The following NSMAF variants were observed in gnomAD, a reference collection of about 807,000 sequenced individuals.
The protein encoded by NSMAF is protein FAN.
A neutral mutation model predicts 134.9 loss-of-function variants in NSMAF; 90 were observed. The observed-to-expected ratio is 0.67, with a 90% confidence interval of 0.56 to 0.79. The LOEUF is 0.79. Ranked by LOEUF, NSMAF falls within the 30% of genes least tolerant of loss-of-function variation. The pLI is 0.00. For missense variants in NSMAF, 1,010 were observed against 1,119.0 expected (o/e 0.90, Z 1.39); for synonymous variants, 358 against 389.6 (o/e 0.92, Z 0.96).
rs898835304 is a variant in NSMAF, at chr8:58,584,020, T to C, written c.*86A>G. ...GTGGTAAAACTTCTAATTACTAACA[T>C]TGCACATTCACCAGTCCGTTTAAAA... On this transcript the variant is annotated 3_prime_UTR_variant, in exon 31 of 31. Transcript: ENST00000038176. 1 of 1,028,136 alleles carries C rather than the reference T, an allele frequency of 9.7e-7. No homozygotes were observed. Among genetic ancestry groups the C allele is most frequent in the Non-Finnish European group, 1.5e-6 (1 of 653,726 alleles). 63.7% of individuals were successfully genotyped at this position (1,028,136 alleles called of 1,614,324 possible).
intron 23 of NSMAF, among the ~76,000 whole-genome samples, chr8:58,592,041 GA>G (rs1447634258): frequency 6.6e-6 from 1 of 152,024 alleles, no homozygotes; most frequent in African/African-American, 2.4e-5. Context: ...ATTTGAAAAC[GA>G]AAACAGAAGA....
In NSMAF at chr8:58,623,703, G is replaced by A. The variant is rs1806846330; in HGVS notation, c.456+6C>T. The A allele has an allele frequency of 6.2e-7, 1 of 1,612,364 alleles. No homozygotes were observed. The highest frequency in any genetic ancestry group is 1.1e-5 in the South Asian group (1 of 90,922). Reference sequence around the variant, plus strand: ...GCTTTGAATTTTCTACCCAGCAAGTGCTTACCTGAAGCAACGTCTCCACAA... The same window carrying A: ...GCTTTGAATTTTCTACCCAGCAAGTACTTACCTGAAGCAACGTCTCCACAA... On this transcript the variant is annotated splice_donor_region_variant and intron_variant, in intron 7 of 30. Transcript: ENST00000038176.
At chr8:58,643,332 C>A (rs976619528) in intron 1 of NSMAF, among the ~76,000 whole-genome samples, 1 of 152,066 alleles carries the variant, frequency 6.6e-6, no homozygotes, top group Non-Finnish European at 1.5e-5. Flanking sequence ...TTACAGAAAC[C>A]CTGAATTTTG....
rs749938859 is a variant in NSMAF, at chr8:58,635,482, G to A, written c.214C>T (p.Gln72Ter). The A allele has an allele frequency of 1.9e-6, 3 of 1,603,144 alleles. No homozygotes were observed. The highest frequency in any genetic ancestry group is 2.6e-6 in the Non-Finnish European group (3 of 1,175,538). The change falls in exon 3 of 31, where the codon CAG (glutamine) becomes TAG (stop). Residue 72 changes from glutamine (Q) to a stop codon, truncating the protein, a stop_gained. Transcript: ENST00000038176. LOFTEE classifies it high-confidence loss of function. ...SVIFEPDSIS[Q>*]PIIKIPLRDC... ...AATGTATTTACCTTGATGATGGGCTGGGATATTGAATCTGGTTCAAAAATC... is the reference window on the plus strand; with the variant it reads ...AATGTATTTACCTTGATGATGGGCTAGGATATTGAATCTGGTTCAAAAATC...
At chr8:58,654,033 T>C (rs958128476) in intron 1 of NSMAF, among the ~76,000 whole-genome samples, 2 of 152,114 alleles carry the variant, frequency 1.3e-5, no homozygotes, top group Non-Finnish European at 2.9e-5. Flanking sequence ...GTTTTTCATG[T>C]GAGAAAAAAA....
At chr8:58,585,569 A>T in intron 30 of NSMAF, 83 bp downstream of exon 30, 1 of 1,025,266 alleles carries the variant, frequency 9.8e-7, no homozygotes. Context: ...TTGCCCAAAA[A>T]GAGTATGTTC....
At chr8:58,585,395 C>A (rs567746639) in intron 30 of NSMAF, among the ~76,000 whole-genome samples, 4 of 149,964 alleles carry the variant, frequency 2.7e-5, no homozygotes, top group Admixed American at 2.0e-4. Flanking sequence ...AATAGCTTTA[C>A]GATGGTTTTT....
In NSMAF at chr8:58,605,930, G is replaced by C. The variant is rs753806547; in HGVS notation, c.865C>G (p.Leu289Val). ...DDLYFYIATYLEHHVAEHTAE... is the reference protein window; with the variant it reads ...DDLYFYIATYVEHHVAEHTAE... ...CAATGAAGGGTGAGCGCCAAACCTA[G>C]GTATGTGGCAATGTAAAAATAGAGA... Residue 289 changes from leucine (L) to valine (V), a missense_variant, in exon 12 of 31, where the codon CTA becomes GTA. Leu to Val is a conservative substitution (Grantham distance 32). Coordinates refer to ENST00000038176, the MANE Select transcript of NSMAF (RefSeq NM_003580.4). The C allele has an allele frequency of 6.4e-7, 1 of 1,561,978 alleles. No individual in the cohort carries two copies. The highest frequency in any genetic ancestry group is 8.6e-7 in the Non-Finnish European group (1 of 1,161,974).
At chr8:58,600,325 T>G (rs1480861594) in intron 16 of NSMAF, 3 of 333,790 alleles carry the variant, frequency 9.0e-6, no homozygotes, top group Non-Finnish European at 1.6e-5. Flanking sequence ...GCCTCCACAC[T>G]GAAAGATTAG....
intron 1 of NSMAF, chr8:58,659,308 T>G: frequency 6.6e-7 from 1 of 1,526,288 alleles, no homozygotes; most frequent in Non-Finnish European, 8.8e-7. Flanking sequence ...TAGCTCGGCA[T>G]GCCTCGGCTC....
intron 20 of NSMAF, 135 bp downstream of exon 20, chr8:58,597,725 G>A: frequency 5.6e-6 from 5 of 898,622 alleles, no homozygotes; most frequent in Non-Finnish European, 8.8e-6. Flanking sequence ...CTGATGCTCA[G>A]TAACACAACA....
At chr8:58,646,175 C>T (rs1177077995) in intron 1 of NSMAF, among the ~76,000 whole-genome samples, 1 of 152,174 alleles carries the variant, frequency 6.6e-6, no homozygotes, top group African/African-American at 2.4e-5. Flanking sequence ...TATCTAAATC[C>T]ATGAACAAGA....
At position 58,586,285 on chromosome 8, in the gene NSMAF, C is replaced by T. The variant is rs562359186; in HGVS notation, c.2446+173G>A. The T allele has an allele frequency of 2.6e-5, 17 of 659,170 alleles. No homozygotes were observed. The East Asian group carries it at 4.1e-4, about 16-fold the overall frequency. The allele number at this position is 659,170 out of a possible 1,614,324, so 40.8% of individuals were successfully genotyped here. A position where few individuals can be genotyped will look rare whatever the true frequency, so the allele number is the denominator to read the frequency against. ...GCTTTTCTACCTGATACAAATGCCA[C>T]AAGTATACTGTACCCTGGCATAAAG... On this transcript the variant is annotated intron_variant, in intron 28 of 30. Transcript: ENST00000038176.
At chr8:58,606,417 T>A (rs1412168199) in intron 11 of NSMAF, among the ~76,000 whole-genome samples, 1 of 152,142 alleles carries the variant, frequency 6.6e-6, no homozygotes. Flanking sequence ...ATAAGTTAAA[T>A]AACATATATA....
At chr8:58,626,329 C>T (rs1476053649) in intron 6 of NSMAF, among the ~76,000 whole-genome samples, 1 of 152,004 alleles carries the variant, frequency 6.6e-6, no homozygotes, top group Non-Finnish European at 1.5e-5. Flanking sequence ...CTCCTGACCT[C>T]GTGATCTGCC....
At position 58,659,288 on chromosome 8, in the gene NSMAF, C is replaced by T. The variant is rs1222361763; in HGVS notation, c.59+285G>A. On this transcript the variant is annotated intron_variant, in intron 1 of 30. Coordinates refer to ENST00000038176, the MANE Select transcript of NSMAF (RefSeq NM_003580.4). ...AGCTGCCCGCGGCCGCCGGGACCTG[C>T]ACTGCCGGATAGCTCGGCATGCCTC... 3.3e-6 allele frequency: 5 copies of T among 1,521,698 alleles called. No homozygotes were observed. The African/African-American group carries it at 4.3e-5, about 13-fold the overall frequency. 94.3% of individuals were successfully genotyped at this position (1,521,698 alleles called of 1,614,324 possible).
chr8:58,607,160 T>C (rs1312782540), intron 11 of NSMAF, among the ~76,000 whole-genome samples: 3 of 152,224 alleles, frequency 2.0e-5, no homozygotes, highest in Admixed American at 6.5e-5. Flanking sequence ...AATGAATTTC[T>C]ATTGGTGTCG....
chr8:58,585,329 T>A, intron 30 of NSMAF, among the ~76,000 whole-genome samples: 1 of 150,804 alleles, frequency 6.6e-6, no homozygotes, highest in East Asian at 1.9e-4. Context: ...TTTTTTTTTT[T>A]CTCTTTTTTT....
intron 12 of NSMAF, 110 bp from the exon 13 acceptor site, chr8:58,603,496 G>T: frequency 1.0e-6 from 1 of 956,606 alleles, no homozygotes; most frequent in Non-Finnish European, 1.5e-6. Flanking sequence ...AAAATGCATT[G>T]TAAGAAAAAG....
Sources: gnomAD v4.1 joint callset for allele counts (sites outside exome capture counted in the v4.1 genomes callset) on GRCh38, gnomAD v4.1.1 for gene constraint, MANE v1.5 for transcripts, NCBI Gene and HGNC (gene_info 2026-07-23, HGNC 2026-07-21) for gene names.